The following PCSK5 variants were observed in gnomAD, a reference collection of about 807,000 sequenced individuals.
The protein encoded by PCSK5 is proprotein convertase subtilisin/kexin type 5.
Under a neutral mutation model 233.2 loss-of-function variants are expected in PCSK5, and 129 were observed. The observed-to-expected ratio is 0.55, with a 90% confidence interval of 0.48 to 0.64. The LOEUF (loss-of-function observed/expected upper bound fraction) is 0.64, where lower values mean the gene tolerates loss of function less well. Among genes scored for constraint, PCSK5 ranks in the 30% least tolerant of loss-of-function variants. The probability of loss-of-function intolerance (pLI) is 0.00; values close to 1 mark genes in which losing one functional copy is unlikely to be tolerated. For synonymous variants in PCSK5, 825 were observed against 879.2 expected, an observed-to-expected ratio of 0.94 and a Z score of 1.09; for missense variants, 2,076 against 2,430.1, an observed-to-expected ratio of 0.85 and a Z score of 3.06.
intron 5 of PCSK5, among the ~76,000 whole-genome samples, chr9:76,064,643 C>T (rs1176599346): frequency 6.7e-6 from 1 of 148,572 alleles, no homozygotes; most frequent in Non-Finnish European, 1.5e-5. Context: ...AGGGGCTCCT[C>T]ACTTCTCAGA....
At chr9:76,028,128 G>A (rs1002445431) in intron 5 of PCSK5, among the ~76,000 whole-genome samples, 8 of 152,120 alleles carry the variant, frequency 5.3e-5, no homozygotes, top group South Asian at 2.1e-4. Flanking sequence ...AAATCTTCTC[G>A]ATCAGATTCA....
intron 24 of PCSK5, among the ~76,000 whole-genome samples, chr9:76,257,167 G>A (rs1005587624): frequency 6.6e-6 from 1 of 152,178 alleles, no homozygotes; most frequent in Non-Finnish European, 1.5e-5. Flanking sequence ...GAGGCACTCA[G>A]TAACTATCTG....
In PCSK5 at chr9:75,891,050, G is replaced by T. The variant is rs1333688907; in HGVS notation, c.-132G>T. 1 of 804,142 alleles carries T rather than the reference G, an allele frequency of 1.2e-6. No homozygotes were observed. Among genetic ancestry groups the T allele is most frequent in the Non-Finnish European group, 1.7e-6 (1 of 572,064 alleles). 49.8% of individuals were successfully genotyped at this position (804,142 alleles called of 1,614,324 possible). A position where few individuals can be genotyped will look rare whatever the true frequency, so the allele number is the denominator to read the frequency against. ...CTGCCGGGGCTAGCCGCCTCCTGCC[G>T]ATCGCCCGGGGCTGCGAGCTGCGGC... is the stretch of plus-strand genomic sequence containing the variant. On this transcript the variant is annotated 5_prime_UTR_variant, in exon 1 of 38. Coordinates refer to ENST00000674117, the MANE Select transcript of PCSK5 (RefSeq NM_001372043.1).
chr9:76,254,551 G>C (rs1376714218), intron 24 of PCSK5, among the ~76,000 whole-genome samples: 1 of 152,012 alleles, frequency 6.6e-6, no homozygotes, highest in East Asian at 1.9e-4. Flanking sequence ...GATGAGTCAA[G>C]AAGAGGACCA....
At chr9:76,325,387 T>A (rs1426767531) in intron 32 of PCSK5, among the ~76,000 whole-genome samples, 1 of 152,230 alleles carries the variant, frequency 6.6e-6, no homozygotes, top group Non-Finnish European at 1.5e-5. Flanking sequence ...AGGCCCCTGG[T>A]TGCCCATTAG....
At chr9:76,185,512 TTTCCAGGCAGG>T (rs1164434942) in intron 17 of PCSK5, among the ~76,000 whole-genome samples, 3 of 152,174 alleles carry the variant, frequency 2.0e-5, no homozygotes, top group African/African-American at 7.2e-5. Context: ...GTCCAGGCAG[TTTCCAGGCAGG>T]TACATTCTTC....
At chr9:75,994,128 T>C (rs1042666652) in intron 3 of PCSK5, among the ~76,000 whole-genome samples, 3 of 152,102 alleles carry the variant, frequency 2.0e-5, no homozygotes, top group Non-Finnish European at 2.9e-5. Flanking sequence ...TCTGCACTTT[T>C]CCGAACCAAA....
At chr9:76,025,886 A>G (rs1031909926) in intron 4 of PCSK5, among the ~76,000 whole-genome samples, 2 of 152,184 alleles carry the variant, frequency 1.3e-5, no homozygotes, top group African/African-American at 2.4e-5. Context: ...TAACCAAATT[A>G]TGAAAAATAG....
At chr9:75,993,947 G>T (rs1481669906) in intron 3 of PCSK5, among the ~76,000 whole-genome samples, 1 of 152,106 alleles carries the variant, frequency 6.6e-6, no homozygotes, top group Non-Finnish European at 1.5e-5. Context: ...AGAAAAGCAG[G>T]TGTTCATAAT....
intron 29 of PCSK5, 134 bp downstream of exon 29, chr9:76,308,862 A>G: frequency 1.6e-6 from 1 of 614,794 alleles, no homozygotes; most frequent in Non-Finnish European, 2.9e-6. Context: ...TACAGTGGCT[A>G]CTCGGGAGAC....
intron 9 of PCSK5, among the ~76,000 whole-genome samples, chr9:76,117,016 A>G (rs1234011679): frequency 1.3e-5 from 2 of 152,050 alleles, no homozygotes; most frequent in African/African-American, 2.4e-5. Context: ...CTAAATCTTG[A>G]TTGATTCATT....
chr9:76,142,430 T>G lies in PCSK5; in HGVS notation c.1312+8218T>G, dbSNP rs376756108. ...AGCATTCTAAGTGGCTAACTAGGTA[T>G]AGAGCATTTCAGGCAAGATGAATAG... is the stretch of plus-strand genomic sequence containing the variant. On this transcript the variant is annotated intron_variant, in intron 10 of 37. Coordinates refer to ENST00000674117, the MANE Select transcript of PCSK5 (RefSeq NM_001372043.1). Among the ~76,000 whole-genome samples the G allele has an allele frequency of 4.6e-5, 7 of 152,196 alleles. No individual in the cohort carries two copies. In the East Asian group the frequency reaches 5.8e-4, roughly 13 times the overall value.
intron 24 of PCSK5, among the ~76,000 whole-genome samples, chr9:76,272,259 T>A (rs1827538002): frequency 6.6e-6 from 1 of 152,170 alleles, no homozygotes; most frequent in Non-Finnish European, 1.5e-5. Flanking sequence ...CTCTGTCTAC[T>A]TCTACCCATC....
intron 2 of PCSK5, 25 bp downstream of exon 2, chr9:75,932,508 A>G (rs899407777): frequency 2.2e-6 from 3 of 1,346,300 alleles, no homozygotes. Context: ...TTGCGTGGGG[A>G]CCAAGAGGCA....
chr9:76,311,152 G>A (rs574208656), intron 30 of PCSK5, among the ~76,000 whole-genome samples: 11 of 152,228 alleles, frequency 7.2e-5, no homozygotes, highest in African/African-American at 2.6e-4. Context: ...AAGGCAGAAG[G>A]ATCGCTAGGA....
chr9:76,194,284 G>C (rs1161359736), intron 20 of PCSK5: 1 of 152,084 alleles, frequency 6.6e-6, no homozygotes, highest in African/African-American at 2.4e-5. Context: ...GTCATGGTGG[G>C]AAGCATTTTG....
intron 21 of PCSK5, 119 bp downstream of exon 21, chr9:76,227,724 T>C: frequency 1.5e-6 from 1 of 671,072 alleles, no homozygotes; most frequent in Non-Finnish European, 2.6e-6. Flanking sequence ...AAGCAAACTC[T>C]TTCCCACTCC....
chr9:76,037,286 A>G (rs1828897541), intron 5 of PCSK5, among the ~76,000 whole-genome samples: 1 of 152,192 alleles, frequency 6.6e-6, no homozygotes, highest in Non-Finnish European at 1.5e-5. Context: ...CTGTTGGAGA[A>G]TGTCTCAGAG....
At chr9:76,129,695 G>A (rs969466368) in intron 9 of PCSK5, among the ~76,000 whole-genome samples, 2 of 148,548 alleles carry the variant, frequency 1.3e-5, no homozygotes, top group Admixed American at 1.4e-4. Flanking sequence ...AGAATTATCT[G>A]GGAAAACCCT....
Sources: allele counts gnomAD v4.1 joint callset (sites outside exome capture counted in the v4.1 genomes callset), GRCh38; gene constraint gnomAD v4.1.1; transcripts MANE v1.5; gene names NCBI Gene and HGNC (gene_info 2026-07-23, HGNC 2026-07-21).